Variants in GSN observed in about 807,000 individuals in gnomAD.
GSN encodes the protein actin-depolymerizing factor.
A neutral mutation model predicts 85.7 loss-of-function variants in GSN; 56 were observed. That is an observed-to-expected ratio of 0.65 (90% CI 0.53 to 0.82). GSN has a LOEUF of 0.82. GSN is among the 40% of genes least tolerant of loss of function. The pLI is 0.00. For synonymous variants in GSN, 373 were observed against 399.1 expected, an observed-to-expected ratio of 0.93 and a Z score of 0.78; for missense variants, 857 against 979.8, an observed-to-expected ratio of 0.87 and a Z score of 1.67.
At chr9:121,304,049 C>T (rs1321365055) in intron 4 of GSN, among the ~76,000 whole-genome samples, 2 of 152,212 alleles carry the variant, frequency 1.3e-5, no homozygotes, top group African/African-American at 4.8e-5. Context: ...CCTCTAATGA[C>T]CAGGGTCCTA....
intron 5 of GSN, among the ~76,000 whole-genome samples, chr9:121,244,481 C>G (rs1028459997): frequency 1.1e-4 from 17 of 152,224 alleles, no homozygotes; most frequent in Admixed American, 6.5e-5. Context: ...GTTCCAGTTG[C>G]TCCACAACCT....
chr9:121,275,477 G>A (rs907345387), intron 1 of GSN, among the ~76,000 whole-genome samples: 1 of 152,168 alleles, frequency 6.6e-6, no homozygotes, highest in African/African-American at 2.4e-5. Flanking sequence ...CCATTTCATG[G>A]ACTCAGAGAA....
intron 4 of GSN, among the ~76,000 whole-genome samples, chr9:121,218,286 C>T (rs2054104392): frequency 6.6e-6 from 1 of 152,168 alleles, no homozygotes; most frequent in African/African-American, 2.4e-5. Context: ...GGTGCACATG[C>T]TGTGGTGGAC....
chr9:121,295,161 G>A (rs1283735047), intron 2 of GSN, among the ~76,000 whole-genome samples: 1 of 152,148 alleles, frequency 6.6e-6, no homozygotes, highest in Non-Finnish European at 1.5e-5. Context: ...TCACATCCTG[G>A]GCTTCCTCAC....
chr9:121,244,602 C>A (rs949401710), intron 5 of GSN, among the ~76,000 whole-genome samples: 35 of 152,048 alleles, frequency 2.3e-4, no homozygotes, highest in African/African-American at 8.2e-4. Flanking sequence ...TATGCAGTAG[C>A]AAAAATATAA....
chr9:121,214,358 G>T (rs1434747352), intron 4 of GSN, among the ~76,000 whole-genome samples: 1 of 151,614 alleles, frequency 6.6e-6, no homozygotes, highest in Non-Finnish European at 1.5e-5. Context: ...CCAAAGGGTA[G>T]ATGTTAGTTC....
At chr9:121,231,630 A>G (rs1454802715) in intron 5 of GSN, among the ~76,000 whole-genome samples, 1 of 152,220 alleles carries the variant, frequency 6.6e-6, no homozygotes, top group Non-Finnish European at 1.5e-5. Flanking sequence ...GGAAGAGGGA[A>G]GAGAAAGTGC....
intron 4 of GSN, chr9:121,309,885 C>T (rs2060874213): frequency 6.6e-6 from 1 of 152,092 alleles, no homozygotes; most frequent in African/African-American, 2.4e-5. Context: ...TCATTCAAGT[C>T]CAGGAGTTTG....
intron 6 of GSN, among the ~76,000 whole-genome samples, chr9:121,256,417 T>A (rs140404674): frequency 6.6e-6 from 1 of 152,142 alleles, no homozygotes; most frequent in Admixed American, 6.6e-5. Context: ...TTAAGTGAAA[T>A]AAGCCAGGCA....
At chr9:121,327,569 C>T (rs2063377408) in intron 14 of GSN, 87 bp downstream of exon 14, 2 of 1,108,138 alleles carry the variant, frequency 1.8e-6, no homozygotes, top group South Asian at 1.6e-5. Flanking sequence ...GGCTCTAAAT[C>T]CTCCCCTCCA....
intron 2 of GSN, among the ~76,000 whole-genome samples, chr9:121,288,539 C>G (rs2058371360): frequency 6.6e-6 from 1 of 152,176 alleles, no homozygotes; most frequent in African/African-American, 2.4e-5. Context: ...CATGCATTAC[C>G]TACTTTAATC....
intron 1 of GSN, among the ~76,000 whole-genome samples, chr9:121,274,098 T>C (rs1229423059): frequency 6.6e-6 from 1 of 152,238 alleles, no homozygotes; most frequent in Non-Finnish European, 1.5e-5. Flanking sequence ...AGCAGCAAAG[T>C]ATTTCAAGAG....
intron 5 of GSN, among the ~76,000 whole-genome samples, chr9:121,233,363 G>T (rs1588447516): frequency 6.6e-6 from 1 of 152,244 alleles, no homozygotes; most frequent in East Asian, 1.9e-4. Context: ...TATTCAGGAG[G>T]CTGAGGCAGG....
chr9:121,258,322 G>A (rs887844768), intron 6 of GSN, among the ~76,000 whole-genome samples: 1 of 152,192 alleles, frequency 6.6e-6, no homozygotes, highest in African/African-American at 2.4e-5. Flanking sequence ...TATTAGCTGG[G>A]CGTGGTGGTG....
At position 121,245,907 on chromosome 9, in the gene GSN, C is replaced by G. The variant is rs187071383; in HGVS notation, c.-388-2369C>G. ...AGCTAGGACTACAGATGTGTGCCAC[C>G]GTGCCCAGCTTGAAAAACGCATTTA... is the stretch of plus-strand genomic sequence containing the variant. On this transcript the variant is annotated intron_variant, in intron 5 of 24. Coordinates refer to the GSN transcript ENST00000373823. Among the ~76,000 whole-genome samples the G allele has an allele frequency of 1.6e-3, 238 of 152,186 alleles. 1 individual carries two copies. The highest frequency in any genetic ancestry group is 5.2e-3 in the African/African-American group (217 of 41,516).
chr9:121,253,604 A>C (rs1469938400), intron 6 of GSN, among the ~76,000 whole-genome samples: 3 of 152,234 alleles, frequency 2.0e-5, no homozygotes, highest in Non-Finnish European at 4.4e-5. Context: ...CCAGCTTGGC[A>C]GGCATCAATG....
Position 121,261,072 on chromosome 9 carries a change from G to A in GSN, c.-340-4082G>A, listed in dbSNP as rs1310789515. 2.0e-5 allele frequency among the ~76,000 whole-genome samples: 3 copies of A among 152,166 alleles called. No homozygotes were observed. The highest frequency in any genetic ancestry group is 4.4e-5 in the Non-Finnish European group (3 of 68,032). ...ACAACATTTGAAAAGCCCATTGTTC[G>A]GTGTTGTGATAATATAACTCTCTGT... On this transcript the variant is annotated intron_variant, in intron 6 of 24. Transcript: ENST00000373823. The surrounding 1 kb of genome is among the most constrained non-coding windows in gnomAD (Gnocchi z 4.1).
intron 4 of GSN, among the ~76,000 whole-genome samples, chr9:121,218,731 T>C (rs987254254): frequency 6.6e-6 from 1 of 152,188 alleles, no homozygotes; most frequent in Non-Finnish European, 1.5e-5. Context: ...CATTAGCTTA[T>C]TGGTGGAGAC....
In GSN at chr9:121,279,074, TG is replaced by T. The variant is rs548259596; in HGVS notation, c.-102-2395del. On this transcript the variant is annotated intron_variant, in intron 1 of 17. Coordinates refer to ENST00000432226, the MANE Select transcript of GSN (RefSeq NM_198252.3). Reference sequence around the variant, plus strand: ...GATACATGGGAGCAATTGGGGAGGCTGACTTGCAAATAGACTATTACAGTAG... The same window carrying T: ...GATACATGGGAGCAATTGGGGAGGCTACTTGCAAATAGACTATTACAGTAG... 1.7e-4 allele frequency among the ~76,000 whole-genome samples: 26 copies of T among 152,288 alleles called. 1 individual carries two copies. In the South Asian group the frequency reaches 5.4e-3, roughly 32 times the overall value.
Sources: allele counts gnomAD v4.1 joint callset (sites outside exome capture counted in the v4.1 genomes callset), GRCh38; gene constraint gnomAD v4.1.1; non-coding constraint Gnocchi (gnomAD v3.1); transcripts MANE v1.5; gene names NCBI Gene and HGNC (gene_info 2026-07-23, HGNC 2026-07-21).